CPED1: variants seen among roughly 807,000 people sequenced by gnomAD.
CPED1 encodes cadherin-like and PC-esterase domain-containing protein 1.
In CPED1, 114 loss-of-function variants were observed where a neutral mutation model predicts 128.2. That is an observed-to-expected ratio of 0.89 (90% CI 0.76 to 1.04). The LOEUF (loss-of-function observed/expected upper bound fraction) is 1.04. CPED1 is among the 50% of genes least tolerant of loss of function. The pLI is 0.00. For synonymous variants in CPED1, 462 were observed against 426.7 expected (o/e 1.08, Z -1.02); for missense variants, 1,211 against 1,207.1 (o/e 1.00, Z -0.05).
rs190762633 is a variant in CPED1 at position 121,154,708 on chromosome 7, G to A, written c.2055+12567G>A. 6.6e-3 allele frequency among the ~76,000 whole-genome samples: 1,003 copies of A among 152,058 alleles called. 11 individuals carry two copies. The highest frequency in any genetic ancestry group is 0.022 in the African/African-American group (930 of 41,512). ...TTATAGGCATGCGCCAGCACGCCCA[G>A]CTAATTTTTGTATTTTTAGTAGAGA... On this transcript the variant is annotated intron_variant, in intron 16 of 22. Transcript: ENST00000310396.
chr7:121,256,462 C>T (rs1791880439), intron 18 of CPED1, among the ~76,000 whole-genome samples: 1 of 151,924 alleles, frequency 6.6e-6, no homozygotes, highest in Non-Finnish European at 1.5e-5. Flanking sequence ...AATGTAAGAC[C>T]TCAAGCTATA....
chr7:121,279,833 A>C (rs1430016368), intron 22 of CPED1, among the ~76,000 whole-genome samples: 1 of 152,182 alleles, frequency 6.6e-6, no homozygotes, highest in Admixed American at 6.5e-5. Flanking sequence ...CTGAAAACAG[A>C]AAGATGAAGG....
intron 16 of CPED1, among the ~76,000 whole-genome samples, chr7:121,157,132 C>T (rs1267093771): frequency 6.6e-6 from 1 of 152,124 alleles, no homozygotes; most frequent in South Asian, 2.1e-4. Flanking sequence ...TAACCACCAC[C>T]CCTCTTCTTA....
rs145196423 is a variant in CPED1 at position 121,078,609 on chromosome 7, C to A, written c.616+14296C>A. Among the ~76,000 whole-genome samples, 678 of 151,332 alleles carry A rather than the reference C, an allele frequency of 4.5e-3. 1 individual carries two copies. Among genetic ancestry groups the A allele is most frequent in the Non-Finnish European group, 7.8e-3 (530 of 67,884 alleles). The stretch of plus-strand genomic sequence containing the variant: ...TATCCTAACTATTTCTGTATGTTGG[C>A]CTTATTCTCTCTTTCTGCAGATGGG... On this transcript the variant is annotated intron_variant, in intron 5 of 22. Transcript: ENST00000310396.
At chr7:120,990,965 G>A (rs1796301253) in intron 2 of CPED1, among the ~76,000 whole-genome samples, 1 of 152,174 alleles carries the variant, frequency 6.6e-6, no homozygotes, top group East Asian at 1.9e-4. Context: ...TTATGAACAA[G>A]GAGCCTGACA....
At chr7:121,112,840 G>T (rs572704786) in intron 7 of CPED1, among the ~76,000 whole-genome samples, 2 of 152,172 alleles carry the variant, frequency 1.3e-5, no homozygotes, top group South Asian at 4.2e-4. Flanking sequence ...TTTGCAAACT[G>T]CCACACTAAT....
chr7:121,080,757 AGAGG>A (rs1446681528), intron 5 of CPED1, among the ~76,000 whole-genome samples: 54 of 152,194 alleles, frequency 3.5e-4, no homozygotes, highest in African/African-American at 1.2e-3. Flanking sequence ...AAAGAGATTG[AGAGG>A]GAGGGAGAGA....
chr7:121,001,454 G>T (rs1791857268), intron 2 of CPED1, among the ~76,000 whole-genome samples: 1 of 152,120 alleles, frequency 6.6e-6, no homozygotes, highest in South Asian at 2.1e-4. Context: ...ATTTGGGGTA[G>T]CCAATCTAGG....
At chr7:121,010,991 T>C (rs1022549805) in intron 2 of CPED1, among the ~76,000 whole-genome samples, 2 of 152,234 alleles carry the variant, frequency 1.3e-5, no homozygotes, top group Admixed American at 6.5e-5. Context: ...AAAGAATCTG[T>C]ATTTTATTCT....
chr7:121,046,207 G>A (rs78062233), intron 3 of CPED1, among the ~76,000 whole-genome samples: 3,870 of 152,160 alleles, frequency 0.025, 154 homozygotes, highest in African/African-American at 0.088. Context: ...AAATAGCTTC[G>A]TCCTTGGTGA....
At chr7:121,283,991 G>A (rs1436330547) in intron 22 of CPED1, among the ~76,000 whole-genome samples, 1 of 152,150 alleles carries the variant, frequency 6.6e-6, no homozygotes, top group East Asian at 1.9e-4. Flanking sequence ...TACTCTCACT[G>A]TATTAGTCCG....
At chr7:121,274,985 T>C (rs2116761760) in intron 22 of CPED1, among the ~76,000 whole-genome samples, 1 of 152,218 alleles carries the variant, frequency 6.6e-6, no homozygotes, top group Non-Finnish European at 1.5e-5. Flanking sequence ...CATAAAATAC[T>C]AGCAAGAGTT....
At chr7:121,119,760 T>G (rs1795342886) in intron 7 of CPED1, among the ~76,000 whole-genome samples, 1 of 152,106 alleles carries the variant, frequency 6.6e-6, no homozygotes, top group Non-Finnish European at 1.5e-5. Flanking sequence ...TACACTACTG[T>G]GCAACCAATC....
At chr7:121,229,268 TA>T (rs1563072611) in intron 16 of CPED1, among the ~76,000 whole-genome samples, 1 of 151,856 alleles carries the variant, frequency 6.6e-6, no homozygotes, top group African/African-American at 2.4e-5. Flanking sequence ...TTTAAAAGAA[TA>T]AAAAAATAGA....
At chr7:121,130,937 T>G (rs1795651347) in intron 12 of CPED1, among the ~76,000 whole-genome samples, 1 of 152,086 alleles carries the variant, frequency 6.6e-6, no homozygotes, top group African/African-American at 2.4e-5. Context: ...TTATCTCCAC[T>G]AGTTAGGGAA....
intron 22 of CPED1, among the ~76,000 whole-genome samples, chr7:121,281,264 C>T (rs575650870): frequency 6.6e-6 from 1 of 152,226 alleles, no homozygotes; most frequent in East Asian, 1.9e-4. Context: ...TTAGAATCAG[C>T]AGTTAATTGA....
intron 7 of CPED1, among the ~76,000 whole-genome samples, chr7:121,115,866 G>T (rs66729951): frequency 6.6e-6 from 1 of 151,964 alleles, no homozygotes. Context: ...AGGCATATAC[G>T]TAGAGAGTTC....
chr7:121,295,187 A>T (rs941590457), intron 22 of CPED1, among the ~76,000 whole-genome samples: 1 of 151,958 alleles, frequency 6.6e-6, no homozygotes, highest in Non-Finnish European at 1.5e-5. Flanking sequence ...AGACTAGAAG[A>T]TAAATCATCT....
intron 16 of CPED1, among the ~76,000 whole-genome samples, chr7:121,235,358 A>G (rs1798227998): frequency 6.6e-6 from 1 of 152,146 alleles, no homozygotes; most frequent in Non-Finnish European, 1.5e-5. Flanking sequence ...ATGCTTAGTC[A>G]TAAATTAAGA....
Sources: allele counts gnomAD v4.1 joint callset (sites outside exome capture counted in the v4.1 genomes callset), GRCh38; gene constraint gnomAD v4.1.1; transcripts MANE v1.5; gene names NCBI Gene and HGNC (gene_info 2026-07-23, HGNC 2026-07-21).